The following NRG3 variants were observed in gnomAD, a reference collection of about 807,000 sequenced individuals.
The protein encoded by NRG3 is pro-neuregulin-3, membrane-bound isoform.
NRG3 carries 31 observed loss-of-function variants against 66.9 expected under a neutral mutation model. That is an observed-to-expected ratio of 0.46 (90% CI 0.35 to 0.63). The LOEUF is 0.63. Ranked by LOEUF, NRG3 falls within the 20% of genes least tolerant of loss-of-function variation. The pLI is 0.00. For missense variants in NRG3, 910 were observed against 878.9 expected (o/e 1.04, Z -0.45); for synonymous variants, 393 against 359.4 (o/e 1.09, Z -1.06).
intron 2 of NRG3, among the ~76,000 whole-genome samples, chr10:82,533,528 C>T (rs1039760267): frequency 6.6e-6 from 1 of 151,620 alleles, no homozygotes; most frequent in South Asian, 2.1e-4. Context: ...TTTTTTCCAA[C>T]ACTATTTGTT....
At chr10:82,868,447 T>G (rs1044164641) in intron 4 of NRG3, among the ~76,000 whole-genome samples, 10 of 152,100 alleles carry the variant, frequency 6.6e-5, no homozygotes, top group Non-Finnish European at 1.5e-4. Flanking sequence ...GGTGACTATT[T>G]GACTCCAACG....
At chr10:81,887,919 A>C (rs1304029144) in intron 1 of NRG3, among the ~76,000 whole-genome samples, 1 of 152,116 alleles carries the variant, frequency 6.6e-6, no homozygotes, top group Non-Finnish European at 1.5e-5. Flanking sequence ...TACATGAGTG[A>C]GTTCACTTCA....
chr10:82,676,682 C>G (rs184647746), intron 2 of NRG3, among the ~76,000 whole-genome samples: 48 of 152,122 alleles, frequency 3.2e-4, no homozygotes, highest in Admixed American at 2.9e-3. Context: ...CAGAGTTTTG[C>G]CATGTGACTA....
At chr10:82,822,557 C>T (rs1231999859) in intron 3 of NRG3, among the ~76,000 whole-genome samples, 2 of 152,162 alleles carry the variant, frequency 1.3e-5, no homozygotes, top group Non-Finnish European at 2.9e-5. Context: ...GGTGTGATTT[C>T]TAGAGGTGGC....
chr10:82,825,702 A>G (rs2062170672), intron 3 of NRG3, among the ~76,000 whole-genome samples: 2 of 152,210 alleles, frequency 1.3e-5, no homozygotes, highest in Non-Finnish European at 2.9e-5. Context: ...AAAACTTATT[A>G]TCGGATGAAG....
In NRG3 at chr10:82,670,917, C is replaced by T. The variant is rs1269856280; in HGVS notation, c.954-67660C>T. Among the ~76,000 whole-genome samples the T allele has an allele frequency of 2.0e-5, 3 of 152,174 alleles. No homozygotes were observed. The East Asian group carries it at 5.8e-4, about 29-fold the overall frequency. On this transcript the variant is annotated intron_variant, in intron 2 of 8. Transcript: ENST00000372141. ...TCTACCTGCAATTCTCTGCATTTCC[C>T]ATCAATTCTCATCCTCCTTAGAGGG...
At chr10:82,718,249 T>C (rs2134467702) in intron 2 of NRG3, among the ~76,000 whole-genome samples, 1 of 152,330 alleles carries the variant, frequency 6.6e-6, no homozygotes, top group Middle Eastern at 3.4e-3. Flanking sequence ...TGTTTTACTT[T>C]ATCATCCCTT....
At chr10:82,088,567 C>T (rs1254436333) in intron 1 of NRG3, among the ~76,000 whole-genome samples, 2 of 152,102 alleles carry the variant, frequency 1.3e-5, no homozygotes, top group African/African-American at 2.4e-5. Context: ...CATTTCTTTT[C>T]ATGTGCAAAG....
intron 2 of NRG3, among the ~76,000 whole-genome samples, chr10:82,706,106 T>C (rs2056268402): frequency 6.6e-6 from 1 of 152,140 alleles, no homozygotes; most frequent in Non-Finnish European, 1.5e-5. Flanking sequence ...CTTTTCTTTT[T>C]TTTATCAATC....
At chr10:82,031,537 TA>T (rs1325149168) in intron 1 of NRG3, among the ~76,000 whole-genome samples, 2 of 152,168 alleles carry the variant, frequency 1.3e-5, no homozygotes, top group African/African-American at 4.8e-5. Flanking sequence ...TAAGCAATGC[TA>T]ACATATTATT....
At chr10:82,237,049 A>G (rs1412666504) in intron 1 of NRG3, among the ~76,000 whole-genome samples, 3 of 152,148 alleles carry the variant, frequency 2.0e-5, no homozygotes, top group Non-Finnish European at 4.4e-5. Context: ...CATATATCAG[A>G]CAATGTCTTT....
intron 3 of NRG3, among the ~76,000 whole-genome samples, chr10:82,784,386 C>G (rs1394903875): frequency 6.6e-6 from 1 of 150,960 alleles, no homozygotes. Flanking sequence ...AGAGCTTCTG[C>G]ACAGCAAAAG....
intron 2 of NRG3, among the ~76,000 whole-genome samples, chr10:82,529,683 T>A (rs1847069051): frequency 6.6e-6 from 1 of 152,196 alleles, no homozygotes; most frequent in African/African-American, 2.4e-5. Flanking sequence ...CCATGGGAAC[T>A]GTAGTGAAAT....
At chr10:82,381,193 G>A (rs758575092) in intron 2 of NRG3, among the ~76,000 whole-genome samples, 20 of 152,100 alleles carry the variant, frequency 1.3e-4, no homozygotes, top group Admixed American at 7.2e-4. Flanking sequence ...AAGATGCATA[G>A]AGGGCTCCTG....
At chr10:82,333,775 T>G (rs2082254913) in intron 1 of NRG3, among the ~76,000 whole-genome samples, 1 of 152,162 alleles carries the variant, frequency 6.6e-6, no homozygotes, top group Admixed American at 6.5e-5. Flanking sequence ...GTGTCCTTAT[T>G]CTCTTTTCTC....
chr10:82,852,345 C>T (rs1019860393), intron 3 of NRG3, among the ~76,000 whole-genome samples: 4 of 152,008 alleles, frequency 2.6e-5, no homozygotes, highest in Non-Finnish European at 5.9e-5. Context: ...CTAATGCACA[C>T]GGGGCTTAAA....
At chr10:82,363,357 TC>T in intron 2 of NRG3, among the ~76,000 whole-genome samples, 1 of 152,370 alleles carries the variant, frequency 6.6e-6, no homozygotes, top group Non-Finnish European at 1.5e-5. Flanking sequence ...AAAACACGTG[TC>T]CACAAATACT....
intron 2 of NRG3, among the ~76,000 whole-genome samples, chr10:82,734,228 G>A (rs2058051867): frequency 6.6e-6 from 1 of 152,066 alleles, no homozygotes; most frequent in Non-Finnish European, 1.5e-5. Context: ...TTTTCCTTGG[G>A]GACAATGTAG....
At chr10:82,826,918 GA>G (rs951217212) in intron 3 of NRG3, among the ~76,000 whole-genome samples, 8 of 148,358 alleles carry the variant, frequency 5.4e-5, no homozygotes, top group East Asian at 2.0e-4. Flanking sequence ...AATAAATGTT[GA>G]AAAAAAAAGC....
Sources: gnomAD v4.1 joint callset for allele counts (sites outside exome capture counted in the v4.1 genomes callset) on GRCh38, gnomAD v4.1.1 for gene constraint, MANE v1.5 for transcripts, NCBI Gene and HGNC (gene_info 2026-07-23, HGNC 2026-07-21) for gene names.